Variants in CATSPERT observed in about 807,000 individuals in gnomAD.
CATSPERT encodes cation channel sperm-associated targeting subunit tau.
chr2:201,575,922 C>T, the CATSPERT span, among the ~76,000 whole-genome samples: 5 of 152,156 alleles, frequency 3.3e-5, no homozygotes, highest in Admixed American at 2.6e-4. Context: ...GACCAATGAC[C>T]TAAACCACAA....
At chr2:201,564,648 G>A in the CATSPERT span, among the ~76,000 whole-genome samples, 1 of 152,014 alleles carries the variant, frequency 6.6e-6, no homozygotes, top group Non-Finnish European at 1.5e-5. Context: ...AATGGGATTG[G>A]TACTCTTATG....
chr2:201,595,453 G>T, the CATSPERT span, among the ~76,000 whole-genome samples: 10 of 152,132 alleles, frequency 6.6e-5, no homozygotes, highest in Non-Finnish European at 1.0e-4. Flanking sequence ...CTCCCAAAGT[G>T]CTGGGATTAC....
chr2:201,526,957 A>G, the CATSPERT span, among the ~76,000 whole-genome samples: 1 of 152,238 alleles, frequency 6.6e-6, no homozygotes, highest in African/African-American at 2.4e-5. Context: ...AAAGGAAGTG[A>G]AGAAGTCAAA....
the CATSPERT span, among the ~76,000 whole-genome samples, chr2:201,593,394 A>T: frequency 2.9e-4 from 44 of 151,846 alleles, no homozygotes; most frequent in Non-Finnish European, 5.6e-4. Flanking sequence ...GGAGAGCTTT[A>T]CTTCCAACTA....
the CATSPERT span, chr2:201,494,544 T>C: frequency 6.5e-7 from 1 of 1,537,002 alleles, no homozygotes; most frequent in African/African-American, 1.4e-5. Flanking sequence ...ACATCTTTGT[T>C]GTGAAGATAT....
chr2:201,519,096 A>G, the CATSPERT span, among the ~76,000 whole-genome samples: 1 of 152,322 alleles, frequency 6.6e-6, no homozygotes, highest in Admixed American at 6.5e-5. Context: ...TGGAAGGTTT[A>G]GTTCCCTTCT....
the CATSPERT span, among the ~76,000 whole-genome samples, chr2:201,573,305 T>A: frequency 4.6e-5 from 7 of 152,220 alleles, no homozygotes; most frequent in Non-Finnish European, 1.0e-4. Context: ...TAGGAAGATA[T>A]CTTCTTTGGG....
the CATSPERT span, among the ~76,000 whole-genome samples, chr2:201,522,083 C>G: frequency 2.0e-5 from 3 of 152,222 alleles, no homozygotes; most frequent in Non-Finnish European, 1.5e-5. Context: ...GAAAAACTTT[C>G]AACTAAGAAC....
chr2:201,581,571 T>C, the CATSPERT span, among the ~76,000 whole-genome samples: 28 of 78,680 alleles, frequency 3.6e-4, 6 homozygotes, highest in South Asian at 1.3e-3. Flanking sequence ...TATATATATA[T>C]ATATATATAT....
the CATSPERT span, among the ~76,000 whole-genome samples, chr2:201,514,236 A>G: frequency 6.6e-6 from 1 of 152,188 alleles, no homozygotes; most frequent in Non-Finnish European, 1.5e-5. Context: ...TAACAACATT[A>G]CAAGAAAGCT....
chr2:201,515,201 AGTTTTTTTT>A, the CATSPERT span, among the ~76,000 whole-genome samples: 6 of 70,270 alleles, frequency 8.5e-5, 1 homozygote, highest in Admixed American at 6.3e-4. Flanking sequence ...ATCTGCCCAT[AGTTTTTTTT>A]TTTTTTTTTT....
chr2:201,495,818 G>T, the CATSPERT span: 651 of 921,408 alleles, frequency 7.1e-4, 4 homozygotes, highest in African/African-American at 7.7e-3. Context: ...TAGCTTTTTA[G>T]AACTATTGAA....
chr2:201,487,817 C>T, the CATSPERT span: 82 of 1,613,860 alleles, frequency 5.1e-5, 1 homozygote, highest in South Asian at 8.6e-4. Context: ...TGAGCTTTTT[C>T]CTAAAAGCCT....
At chr2:201,493,960 C>T in the CATSPERT span, 1 of 1,536,842 alleles carries the variant, frequency 6.5e-7, no homozygotes, top group African/African-American at 1.4e-5. Flanking sequence ...AATTATCTGA[C>T]CCCCTTCTGA....
At chr2:201,519,002 C>T in the CATSPERT span, among the ~76,000 whole-genome samples, 1 of 152,192 alleles carries the variant, frequency 6.6e-6, no homozygotes, top group Non-Finnish European at 1.5e-5. Context: ...CAGCATATAA[C>T]ACAATAACTC....
chr2:201,589,938 C>T, the CATSPERT span, among the ~76,000 whole-genome samples: 125 of 151,720 alleles, frequency 8.2e-4, 1 homozygote, highest in South Asian at 3.1e-3. Context: ...CATTAAAAAG[C>T]AGACAAAGGA....
At chr2:201,576,746 A>G in the CATSPERT span, among the ~76,000 whole-genome samples, 1 of 152,176 alleles carries the variant, frequency 6.6e-6, no homozygotes, top group South Asian at 2.1e-4. Context: ...GGCTTTTGTG[A>G]TTGAAATAGC....
the CATSPERT span, among the ~76,000 whole-genome samples, chr2:201,564,730 C>T: frequency 7.6e-4 from 116 of 152,128 alleles, 1 homozygote; most frequent in African/African-American, 2.7e-3. Flanking sequence ...ATTTGCAAAC[C>T]AGGAAGAGGG....
the CATSPERT span, among the ~76,000 whole-genome samples, chr2:201,588,461 CA>C: frequency 6.7e-6 from 1 of 148,710 alleles, no homozygotes. Context: ...TCATGTCAAA[CA>C]CTCTCAATAA....
Sources: gnomAD v4.1 joint callset for allele counts (sites outside exome capture counted in the v4.1 genomes callset) on GRCh38, gnomAD v4.1.1 for gene constraint, MANE v1.5 for transcripts, NCBI Gene and HGNC (gene_info 2026-07-23, HGNC 2026-07-21) for gene names.